RBM47: variants seen among roughly 807,000 people sequenced by gnomAD.
RBM47 encodes the protein RNA binding motif protein 47, also known as RNA-binding protein 47.
RBM47 carries 21 observed loss-of-function variants against 47.1 expected under a neutral mutation model. That is an observed-to-expected ratio of 0.45 (90% confidence interval 0.32 to 0.64). RBM47 has a LOEUF of 0.64. Among genes scored for constraint, RBM47 ranks in the 30% least tolerant of loss-of-function variants. The pLI, the probability that RBM47 is intolerant of heterozygous loss-of-function variation, is 0.05. For synonymous variants in RBM47, 375 were observed against 361.7 expected, an observed-to-expected ratio of 1.04 and a Z score of -0.42; for missense variants, 708 against 870.9, an observed-to-expected ratio of 0.81 and a Z score of 2.35.
chr4:40,474,650 A>G (rs1039467589), intron 2 of RBM47, among the ~76,000 whole-genome samples: 1 of 152,250 alleles, frequency 6.6e-6, no homozygotes, highest in Non-Finnish European at 1.5e-5. Flanking sequence ...AAATGGTGCC[A>G]TCTCTCATTT....
rs1198438346 is a variant in RBM47 at position 40,573,783 on chromosome 4, A to AAGAG, written c.-239-29281_-239-29278dup. ...AGAGAGAGAGAGAAAGAAAGAAAGA[A>AAGAG]AGAGAGAGAGAGAGAAAGAAAGAAA... On this transcript the variant is annotated intron_variant, in intron 1 of 6. Coordinates refer to ENST00000295971, the MANE Select transcript of RBM47 (RefSeq NM_001098634.2). Among the ~76,000 whole-genome samples the AAGAG allele has an allele frequency of 5.5e-4, 70 of 126,298 alleles. 1 individual carries two copies. The highest frequency in any genetic ancestry group is 2.8e-4 in the Non-Finnish European group (17 of 60,998). The allele number at this position is 126,298 out of a possible 152,430, so 82.9% of individuals were successfully genotyped here. A position where few individuals can be genotyped will look rare whatever the true frequency, so the allele number is the denominator to read the frequency against.
intron 1 of RBM47, among the ~76,000 whole-genome samples, chr4:40,586,718 A>T (rs577912567): frequency 6.6e-6 from 1 of 151,610 alleles, no homozygotes; most frequent in East Asian, 1.9e-4. Flanking sequence ...TGGACCTTGG[A>T]AGCAAGAGTC....
At chr4:40,429,183 C>T (rs1031527023) in intron 6 of RBM47, among the ~76,000 whole-genome samples, 75 of 152,132 alleles carry the variant, frequency 4.9e-4, no homozygotes, top group African/African-American at 1.7e-3. Context: ...TCAAGGAACC[C>T]TTATTTTACT....
intron 3 of RBM47, among the ~76,000 whole-genome samples, chr4:40,464,590 G>GACT (rs1288242554): frequency 2.0e-5 from 3 of 152,016 alleles, no homozygotes; most frequent in African/African-American, 7.2e-5. Flanking sequence ...GATGGGGGCT[G>GACT]ACTACTGTAT....
chr4:40,505,716 T>C (rs1468942455), intron 2 of RBM47, among the ~76,000 whole-genome samples: 1 of 149,838 alleles, frequency 6.7e-6, no homozygotes, highest in Non-Finnish European at 1.5e-5. Context: ...TGAAACTCCA[T>C]CTCTACTAAA....
chr4:40,529,818 G>A (rs1231009186), intron 2 of RBM47, among the ~76,000 whole-genome samples: 2 of 142,924 alleles, frequency 1.4e-5, no homozygotes, highest in Non-Finnish European at 3.0e-5. Flanking sequence ...AACAAAGCGA[G>A]ACTCCATCTA....
At chr4:40,521,702 T>C (rs935724064) in intron 2 of RBM47, among the ~76,000 whole-genome samples, 36 of 152,142 alleles carry the variant, frequency 2.4e-4, no homozygotes, top group African/African-American at 8.0e-4. Flanking sequence ...AGACCTTTTC[T>C]AGAAAATGAA....
rs1189344985 is a variant in RBM47, at chr4:40,437,972, C to G, written c.922G>C (p.Gly308Arg). ...MNNLNGTELEGSCLEVTLAKP... is the reference protein window; with the variant it reads ...MNNLNGTELERSCLEVTLAKP... Reference sequence around the variant, plus strand: ...GCCAGCGTGACCTCCAGGCACGAGCCCTCCAGCTCAGTGCCGTTGAGGTTG... The same window carrying G: ...GCCAGCGTGACCTCCAGGCACGAGCGCTCCAGCTCAGTGCCGTTGAGGTTG... Residue 308 changes from glycine (G) to arginine (R), a missense_variant, in exon 4 of 7, where the codon GGC becomes CGC. Transcript: ENST00000295971. 56 of 1,613,314 alleles carry G rather than the reference C, an allele frequency of 3.5e-5. No homozygotes were observed. Among genetic ancestry groups the G allele is most frequent in the Non-Finnish European group, 4.4e-5 (52 of 1,179,886 alleles).
chr4:40,559,413 A>G (rs1730403142), intron 1 of RBM47, among the ~76,000 whole-genome samples: 1 of 152,246 alleles, frequency 6.6e-6, no homozygotes, highest in Non-Finnish European at 1.5e-5. Flanking sequence ...TGCAAGCATC[A>G]TTTCAGAAAC....
chr4:40,428,222 C>T (rs529917569), intron 6 of RBM47, among the ~76,000 whole-genome samples: 4 of 152,104 alleles, frequency 2.6e-5, no homozygotes, highest in South Asian at 2.1e-4. Flanking sequence ...CAAAACAAAA[C>T]AAAACAAAAC....
At chr4:40,461,814 A>AT (rs1421730067) in intron 3 of RBM47, among the ~76,000 whole-genome samples, 1 of 152,122 alleles carries the variant, frequency 6.6e-6, no homozygotes, top group Admixed American at 6.6e-5. Flanking sequence ...AGGCGCCTGT[A>AT]ATCCCAACTA....
intron 3 of RBM47, among the ~76,000 whole-genome samples, chr4:40,442,224 C>T (rs1351730391): frequency 3.3e-5 from 5 of 152,180 alleles, no homozygotes; most frequent in Non-Finnish European, 7.3e-5. Context: ...TATCTAATTA[C>T]AGCCAGACAT....
intron 1 of RBM47, among the ~76,000 whole-genome samples, chr4:40,594,693 C>T (rs1734595817): frequency 6.6e-6 from 1 of 152,150 alleles, no homozygotes; most frequent in South Asian, 2.1e-4. Context: ...CCAGAATATT[C>T]TTGCTCTGAA....
At position 40,529,555 on chromosome 4, in the gene RBM47, G is replaced by A. The variant is rs186560279; in HGVS notation, c.-155+14867C>T. Reference sequence around the variant, plus strand: ...AAAAAAAAAAAAAAGCATCTAAGGCGGGGCATGGTGGCTCACACCTGTAAT... The same window carrying A: ...AAAAAAAAAAAAAAGCATCTAAGGCAGGGCATGGTGGCTCACACCTGTAAT... On this transcript the variant is annotated intron_variant, in intron 2 of 6. Transcript: ENST00000295971. Among the ~76,000 whole-genome samples, 1,153 of 137,586 alleles carry A rather than the reference G, an allele frequency of 8.4e-3. 20 individuals carry two copies. The highest frequency in any genetic ancestry group is 0.028 in the African/African-American group (1,043 of 37,194). 90.3% of individuals were successfully genotyped at this position (137,586 alleles called of 152,430 possible). A position where few individuals can be genotyped will look rare whatever the true frequency, so the allele number is the denominator to read the frequency against.
intron 1 of RBM47, among the ~76,000 whole-genome samples, chr4:40,549,112 G>GC (rs1553900140): frequency 6.6e-6 from 1 of 150,746 alleles, no homozygotes. Flanking sequence ...TTTTTTTTGG[G>GC]GGGGGGGACA....
chr4:40,520,198 C>T (rs1283587076), intron 2 of RBM47, among the ~76,000 whole-genome samples: 2 of 152,180 alleles, frequency 1.3e-5, no homozygotes, highest in Admixed American at 1.3e-4. Flanking sequence ...TTCTATACGG[C>T]ACTTGGCACA....
intron 1 of RBM47, among the ~76,000 whole-genome samples, chr4:40,625,528 C>T (rs1307821854): frequency 1.3e-5 from 2 of 152,218 alleles, no homozygotes; most frequent in African/African-American, 4.8e-5. Context: ...GGTACATATA[C>T]TTAACTCTTG....
intron 1 of RBM47, among the ~76,000 whole-genome samples, chr4:40,557,289 G>C (rs115149675): frequency 1.6e-3 from 249 of 152,198 alleles, no homozygotes; most frequent in African/African-American, 5.7e-3. Context: ...CTTTCCCTTT[G>C]AGCAGTCATC....
intron 1 of RBM47, among the ~76,000 whole-genome samples, chr4:40,616,113 G>A (rs930585219): frequency 2.0e-5 from 3 of 152,162 alleles, no homozygotes; most frequent in Non-Finnish European, 4.4e-5. Context: ...AGCACTTTGG[G>A]AGGCCGAGGC....
Sources: gnomAD v4.1 joint callset for allele counts (sites outside exome capture counted in the v4.1 genomes callset) on GRCh38, gnomAD v4.1.1 for gene constraint, MANE v1.5 for transcripts, NCBI Gene and HGNC (gene_info 2026-07-23, HGNC 2026-07-21) for gene names.